Variants in EPG5 observed in about 807,000 individuals in gnomAD.
EPG5 encodes ectopic P granules protein 5 homolog.
A neutral mutation model predicts 302.7 loss-of-function variants in EPG5; 159 were observed. The observed-to-expected ratio is 0.53, with a 90% CI of 0.46 to 0.60. The LOEUF (loss-of-function observed/expected upper bound fraction) is 0.60, where lower values mean the gene tolerates loss of function less well. Among genes scored for constraint, EPG5 ranks in the 20% least tolerant of loss-of-function variants. The pLI, the probability that EPG5 is intolerant of heterozygous loss-of-function variation, is 0.00. For synonymous variants in EPG5, 1,158 were observed against 1,136.8 expected (o/e 1.02, Z -0.37); for missense variants, 2,896 against 3,092.4 (o/e 0.94, Z 1.51).
intron 1 of EPG5, among the ~76,000 whole-genome samples, chr18:45,965,428 C>A (rs942344086): frequency 6.6e-5 from 10 of 152,158 alleles, no homozygotes; most frequent in African/African-American, 1.9e-4. Flanking sequence ...TAAACCTCCA[C>A]TTGTACCCTC....
intron 27 of EPG5, among the ~76,000 whole-genome samples, chr18:45,895,474 C>A (rs141467793): frequency 6.6e-6 from 1 of 152,270 alleles, no homozygotes; most frequent in East Asian, 1.9e-4. Flanking sequence ...CTTTCAGGAA[C>A]TTCACCAATT....
intron 27 of EPG5, among the ~76,000 whole-genome samples, chr18:45,895,282 T>G (rs1322409792): frequency 6.6e-6 from 1 of 151,998 alleles, no homozygotes; most frequent in East Asian, 1.9e-4. Context: ...TTGAGGTATT[T>G]GTGGAACATT....
In EPG5 at chr18:45,852,503, C is replaced by T. The variant is rs553920789; in HGVS notation, c.7704G>A (p.Leu2568=). 8 of 1,614,194 alleles carry T rather than the reference C, an allele frequency of 5.0e-6. No homozygotes were observed. In the African/African-American group the frequency reaches 8.0e-5, roughly 16 times the overall value. ...GGTCCAAATAATGCACTTCTGGATA[C>T]AGACAGTTAACGAGAAGAGCCAAGA... ...KSFLALLVNC[L]YPEVHYLDHI... The change falls in exon 44 of 44, where the codon CTG becomes CTA. Residue 2568 remains leucine (L), a synonymous_variant. Transcript: ENST00000282041.
In EPG5 at chr18:45,928,954, A is replaced by T. The variant is rs368314420; in HGVS notation, c.2468T>A (p.Leu823His). 3 of 1,613,890 alleles carry T rather than the reference A, an allele frequency of 1.9e-6. No homozygotes were observed. Among genetic ancestry groups the T allele is most frequent in the Non-Finnish European group, 2.5e-6 (3 of 1,179,906 alleles). ...RETFSKVGRE[L>H]LGTITAVHPE... is the part of the protein sequence containing the mutation. ...GTGAACAGCTGTGATAGTCCCTAAA[A>T]GCTCTCGACCAACCTTTGAAAAAGT... Residue 823 changes from leucine to histidine, a missense_variant, in exon 13 of 44, where the codon CTT (leucine) becomes CAT (histidine). Leu to His is a moderately conservative substitution (Grantham distance 99). Transcript: ENST00000282041.
intron 28 of EPG5, 64 bp downstream of exon 28, chr18:45,889,734 C>T: frequency 6.9e-7 from 1 of 1,448,916 alleles, no homozygotes; most frequent in African/African-American, 1.4e-5. Context: ...GGTATAGTAG[C>T]ATGTATGATT....
intron 1 of EPG5, among the ~76,000 whole-genome samples, chr18:45,955,563 A>G (rs946022691): frequency 1.3e-5 from 2 of 152,244 alleles, no homozygotes; most frequent in Non-Finnish European, 2.9e-5. Flanking sequence ...GAGATTCACT[A>G]GTCTGATCCT....
intron 24 of EPG5, chr18:45,907,252 A>G (rs1389883989): frequency 1.3e-5 from 2 of 152,220 alleles, no homozygotes; most frequent in Admixed American, 1.3e-4. Flanking sequence ...CCTAAATCCC[A>G]TCCTGGTGCT....
chr18:45,838,809 C>A, the EPG5 span: 20 of 1,559,468 alleles, frequency 1.3e-5, no homozygotes, highest in Admixed American at 3.7e-5. Flanking sequence ...CGCCGCCCGC[C>A]CTCGCCTGGT....
chr18:45,919,353 AAAAGTT>A (rs1008099374), intron 16 of EPG5, among the ~76,000 whole-genome samples: 1 of 152,212 alleles, frequency 6.6e-6, no homozygotes, highest in Non-Finnish European at 1.5e-5. Context: ...AGCACAAATC[AAAAGTT>A]ATCTCTAGAG....
At chr18:45,863,904 T>C (rs2048686436) in intron 39 of EPG5, among the ~76,000 whole-genome samples, 1 of 152,210 alleles carries the variant, frequency 6.6e-6, no homozygotes, top group South Asian at 2.1e-4. Flanking sequence ...TCTTTCCATA[T>C]ATCCTACTTG....
At chr18:45,839,128 G>A in the EPG5 span, 2 of 1,358,842 alleles carry the variant, frequency 1.5e-6, no homozygotes, top group South Asian at 3.6e-5. Context: ...TGGCCGCGAG[G>A]GGCCGGGCCG....
In EPG5 at chr18:45,851,463, C is replaced by G. The variant is rs901987714; in HGVS notation, c.*1004G>C. The G allele has an allele frequency of 6.6e-6, 1 of 152,194 alleles. No homozygotes were observed. The highest frequency in any genetic ancestry group is 6.5e-5 in the Admixed American group (1 of 15,284). 9.4% of individuals were successfully genotyped at this position (152,194 alleles called of 1,614,324 possible). ...AATTTCAGTAGATCTCCCGACCTGA[C>G]CCAGTTTCCACAGACAAGTGTTTCA... On this transcript the variant is annotated 3_prime_UTR_variant, in exon 44 of 44. Coordinates refer to ENST00000282041, the MANE Select transcript of EPG5 (RefSeq NM_020964.3).
Position 45,939,618 on chromosome 18 carries a change from T to C in EPG5, c.2081A>G (p.His694Arg), listed in dbSNP as rs781688088. Residue 694 changes from histidine to arginine, a missense_variant, in exon 10 of 44, where the codon CAT becomes CGT. By Grantham distance (29) the His-to-Arg change is conservative (BLOSUM62 0). Transcript: ENST00000282041. ...TACTTACCTTTTGGCCTTCAGCACATGTAGGACAGCCCTCAAAAACAGTTC... is the reference window on the plus strand; with the variant it reads ...TACTTACCTTTTGGCCTTCAGCACACGTAGGACAGCCCTCAAAAACAGTTC... ...FDELFLRAVL[H>R]VLKAKRLGIW... 1.2e-6 allele frequency: 2 copies of C among 1,614,110 alleles called. No individual in the cohort carries two copies. The highest frequency in any genetic ancestry group is 1.1e-5 in the South Asian group (1 of 91,082).
Position 45,952,390 on chromosome 18 carries a change from AC to A in EPG5, c.1252+9del. The A allele has an allele frequency of 6.2e-7, 1 of 1,612,776 alleles. No individual in the cohort carries two copies. The highest frequency in any genetic ancestry group is 1.1e-5 in the South Asian group (1 of 90,940). The stretch of plus-strand genomic sequence containing the variant: ...AAAACACAAGAAAGAGAGCTTCATT[AC>A]TTACATACCTCGGCCTTGCTGGTGA... On this transcript the variant is annotated intron_variant, in intron 3 of 43. Transcript: ENST00000282041.
intron 1 of EPG5, among the ~76,000 whole-genome samples, chr18:45,957,700 C>T (rs531284699): frequency 6.6e-6 from 1 of 152,284 alleles, no homozygotes; most frequent in Admixed American, 6.5e-5. Flanking sequence ...ATTCGCTTGG[C>T]CTATACTGTG....
In EPG5 at chr18:45,923,250, C is replaced by T; in HGVS notation, c.2838+18G>A. 1 of 1,611,014 alleles carries T rather than the reference C, an allele frequency of 6.2e-7. No individual in the cohort carries two copies. The highest frequency in any genetic ancestry group is 8.5e-7 in the Non-Finnish European group (1 of 1,178,952). ...AAGATAAAGATTCATGTTTCCAAATCAGAAGAGAAGGAAATACCTGCTTCA... is the reference window on the plus strand; with the variant it reads ...AAGATAAAGATTCATGTTTCCAAATTAGAAGAGAAGGAAATACCTGCTTCA... On this transcript the variant is annotated intron_variant, in intron 15 of 43. Transcript: ENST00000282041.
intron 43 of EPG5, chr18:45,855,351 A>G (rs2048492675): frequency 2.2e-6 from 1 of 461,776 alleles, no homozygotes; most frequent in East Asian, 3.3e-5. Context: ...GTTTGGCCTT[A>G]CTTTTCTACA....
Position 45,882,757 on chromosome 18 carries a change from C to T in EPG5, c.5305-270G>A, listed in dbSNP as rs183494936. Among the ~76,000 whole-genome samples, 26 of 152,188 alleles carry T rather than the reference C, an allele frequency of 1.7e-4. No homozygotes were observed. The East Asian group carries it at 4.6e-3, about 27-fold the overall frequency. On this transcript the variant is annotated intron_variant, in intron 30 of 43. Coordinates refer to ENST00000282041, the MANE Select transcript of EPG5 (RefSeq NM_020964.3). ...GTGCGGTGGCTCACACCTGTAATCC[C>T]GGCACTTTGGGAGGCCAAGGCAGGC...
At chr18:45,911,344 G>A (rs2049895143) in intron 22 of EPG5, among the ~76,000 whole-genome samples, 1 of 150,456 alleles carries the variant, frequency 6.6e-6, no homozygotes, top group Non-Finnish European at 1.5e-5. Flanking sequence ...GGAGTGCACT[G>A]GCGTGATCAC....
Sources: gnomAD v4.1 joint callset for allele counts (sites outside exome capture counted in the v4.1 genomes callset) on GRCh38, gnomAD v4.1.1 for gene constraint, MANE v1.5 for transcripts, NCBI Gene and HGNC (gene_info 2026-07-23, HGNC 2026-07-21) for gene names.